Variants in SLAMF7 observed in about 807,000 individuals in gnomAD.
SLAMF7 encodes the protein SLAM family member 7, also known as 19A24 protein.
Under a neutral mutation model 34.1 loss-of-function variants are expected in SLAMF7, and 26 were observed. That is an observed-to-expected ratio of 0.76 (90% CI 0.56 to 1.06). The LOEUF (loss-of-function observed/expected upper bound fraction) is 1.06. Among genes scored for constraint, SLAMF7 ranks in the 50% least tolerant of loss-of-function variants. The pLI is 0.00. For synonymous variants in SLAMF7, 171 were observed against 156.4 expected (o/e 1.09, Z -0.70); for missense variants, 399 against 402.5 (o/e 0.99, Z 0.07).
chr1:160,751,981 A>G, intron 5 of SLAMF7: 2 of 431,706 alleles, frequency 4.6e-6, no homozygotes, highest in Non-Finnish European at 8.4e-6. Flanking sequence ...GCTTCCTGAA[A>G]AAAGTTATCA....
chr1:160,753,387 A>ATCT lies in SLAMF7; in HGVS notation c.*210_*211insTCT, dbSNP rs1664789853. The ATCT allele has an allele frequency of 3.6e-6, 2 of 558,426 alleles. No homozygotes were observed. Among genetic ancestry groups the ATCT allele is most frequent in the South Asian group, 2.5e-5 (1 of 40,010 alleles). The allele number at this position is 558,426 out of a possible 1,614,324, so 34.6% of individuals were successfully genotyped here. ...GCTGAGAAATCTCCTCAAACCCAGA[A>ATCT]GGTTTAATCACTTCATCCCAAAAAT... is the stretch of plus-strand genomic sequence containing the variant. On this transcript the variant is annotated 3_prime_UTR_variant, in exon 7 of 7. Transcript: ENST00000368043.
At chr1:160,741,032 G>A (rs889969931) in intron 1 of SLAMF7, among the ~76,000 whole-genome samples, 4 of 152,188 alleles carry the variant, frequency 2.6e-5, no homozygotes, top group African/African-American at 7.2e-5. Flanking sequence ...GGGAGTACCA[G>A]TTGGGGTTTC....
In SLAMF7 at chr1:160,751,381, G is replaced by T. The variant is rs1016944514; in HGVS notation, c.806G>T (p.Arg269Leu). ...GAGAAGAAGAGAGTGGACATTTGTC[G>T]GGAAACTCCTAACATATGCCCCCAT... is the stretch of plus-strand genomic sequence containing the variant. ...IEEKKRVDIC[R>L]ETPNICPHSG... is the part of the protein sequence containing the mutation. The change falls in exon 5 of 7, where the codon CGG becomes CTG. Residue 269 changes from arginine (R) to leucine (L), a missense_variant. Arg to Leu is a moderately radical substitution (Grantham distance 102). Coordinates refer to ENST00000368043, the MANE Select transcript of SLAMF7 (RefSeq NM_021181.5). The T allele has an allele frequency of 3.1e-6, 5 of 1,613,754 alleles. No homozygotes were observed. Among genetic ancestry groups the T allele is most frequent in the Non-Finnish European group, 3.4e-6 (4 of 1,179,892 alleles).
intron 4 of SLAMF7, 125 bp downstream of exon 4, chr1:160,750,548 G>GCCAC (rs1486369882): frequency 8.7e-7 from 1 of 1,150,658 alleles, no homozygotes; most frequent in Non-Finnish European, 1.2e-6. Flanking sequence ...AGATGAAGAA[G>GCCAC]CCACAGTCTC....
Position 160,750,060 on chromosome 1 carries a change from T to G in SLAMF7, c.616T>G (p.Ser206Ala). The G allele has an allele frequency of 6.2e-7, 1 of 1,614,084 alleles. No individual in the cohort carries two copies. The highest frequency in any genetic ancestry group is 8.5e-7 in the Non-Finnish European group (1 of 1,179,984). Residue 206 changes from serine (S) to alanine (A), a missense_variant, in exon 3 of 7, where the codon TCA (serine) becomes GCA (alanine). By Grantham distance (99) the Ser-to-Ala change is moderately conservative. Coordinates refer to ENST00000368043, the MANE Select transcript of SLAMF7 (RefSeq NM_021181.5). ...VARNPVSRNF[S>A]SPILARKLCE... Reference sequence around the variant, plus strand: ...CAGGAACCCTGTCAGCAGAAACTTCTCAAGCCCCATCCTTGCCAGGAAGCT... The same window carrying G: ...CAGGAACCCTGTCAGCAGAAACTTCGCAAGCCCCATCCTTGCCAGGAAGCT...
intron 4 of SLAMF7, chr1:160,750,932 G>C (rs575006890): frequency 4.2e-6 from 1 of 240,830 alleles, no homozygotes; most frequent in South Asian, 5.9e-5. Flanking sequence ...TCTCTCTCCA[G>C]TTGCACCCCA....
chr1:160,748,298 A>G lies in SLAMF7; in HGVS notation c.160A>G (p.Thr54Ala). 6.2e-7 allele frequency: 1 copy of G among 1,614,042 alleles called. No individual in the cohort carries two copies. The highest frequency in any genetic ancestry group is 8.5e-7 in the Non-Finnish European group (1 of 1,179,970). ...AAAGCAAGTTGACTCTATTGTCTGG[A>G]CCTTCAACACAACCCCTCTTGTCAC... ...KVKQVDSIVWTFNTTPLVTIQ... is the reference protein window; with the variant it reads ...KVKQVDSIVWAFNTTPLVTIQ... Residue 54 changes from threonine (T) to alanine (A), a missense_variant, in exon 2 of 7, where the codon ACC (threonine) becomes GCC (alanine). Thr to Ala is a moderately conservative substitution (Grantham distance 58). Coordinates refer to ENST00000368043, the MANE Select transcript of SLAMF7 (RefSeq NM_021181.5).
chr1:160,746,785 A>T (rs148226835), intron 1 of SLAMF7, among the ~76,000 whole-genome samples: 2,217 of 152,168 alleles, frequency 0.015, 62 homozygotes, highest in African/African-American at 0.05. Flanking sequence ...GGAGTCTTAC[A>T]TGATTATTCA....
chr1:160,739,421 T>C (rs1663554515), intron 1 of SLAMF7, 65 bp downstream of exon 1: 2 of 1,438,030 alleles, frequency 1.4e-6, no homozygotes, highest in Admixed American at 2.0e-5. Flanking sequence ...CCAGGTTTCT[T>C]GTTCCACTCT....
Position 160,751,450 on chromosome 1 carries a change from T to C in SLAMF7, c.873+2T>C. ...TACGACACAATCCCTCACACTAATG[T>C]GAGTCCCTTCTCATCTTTCCTGAGA... On this transcript the variant is annotated splice_donor_variant, in intron 5 of 6. Coordinates refer to ENST00000368043, the MANE Select transcript of SLAMF7 (RefSeq NM_021181.5). LOFTEE classifies it high-confidence loss of function. 3 of 1,608,052 alleles carry C rather than the reference T, an allele frequency of 1.9e-6. No individual in the cohort carries two copies. The highest frequency in any genetic ancestry group is 2.6e-6 in the Non-Finnish European group (3 of 1,174,484).
intron 1 of SLAMF7, among the ~76,000 whole-genome samples, chr1:160,745,397 G>A (rs1664046109): frequency 6.6e-6 from 1 of 152,136 alleles, no homozygotes; most frequent in Admixed American, 6.5e-5. Flanking sequence ...AACGCCAGGG[G>A]GCCTTCAAAT....
At chr1:160,740,495 C>A (rs2101650037) in intron 1 of SLAMF7, among the ~76,000 whole-genome samples, 1 of 152,252 alleles carries the variant, frequency 6.6e-6, no homozygotes, top group African/African-American at 2.4e-5. Context: ...GTGTAGTGTA[C>A]CTCCTGAGGC....
chr1:160,746,508 T>C (rs1664142507), intron 1 of SLAMF7, among the ~76,000 whole-genome samples: 1 of 152,248 alleles, frequency 6.6e-6, no homozygotes, highest in African/African-American at 2.4e-5. Flanking sequence ...GAAGGGGAAA[T>C]AACTTTGGGT....
rs762669215 is a variant in SLAMF7, at chr1:160,750,433, G to A, written c.769+10G>A. The A allele has an allele frequency of 6.2e-7, 1 of 1,612,140 alleles. No individual in the cohort carries two copies. ...AGAGAGAGACAAGAAGGTAGAGCGT[G>A]TACTATTTTTGTCCTCACCCACATT... On this transcript the variant is annotated intron_variant, in intron 4 of 6. Transcript: ENST00000368043.
At chr1:160,745,395 G>A (rs568325962) in intron 1 of SLAMF7, among the ~76,000 whole-genome samples, 3 of 152,278 alleles carry the variant, frequency 2.0e-5, no homozygotes, top group African/African-American at 7.2e-5. Context: ...CAAACGCCAG[G>A]GGGCCTTCAA....
intron 4 of SLAMF7, 94 bp downstream of exon 4, chr1:160,750,517 C>A: frequency 1.4e-6 from 2 of 1,461,486 alleles, no homozygotes; most frequent in African/African-American, 1.4e-5. Flanking sequence ...CCAGACTTGG[C>A]ATGAGGTGTT....
In SLAMF7 at chr1:160,754,601, A is replaced by G. The variant is rs1664878753; in HGVS notation, c.*1424A>G. On this transcript the variant is annotated 3_prime_UTR_variant, in exon 7 of 7. Coordinates refer to ENST00000368043, the MANE Select transcript of SLAMF7 (RefSeq NM_021181.5). The stretch of plus-strand genomic sequence containing the variant: ...CTGCTTTTGATATGTTCCCTGACAC[A>G]TATCTTGAATGGAGACCTCCCTACC... The G allele has an allele frequency of 6.6e-6, 1 of 152,360 alleles. No individual in the cohort carries two copies. The highest frequency in any genetic ancestry group is 1.5e-5 in the Non-Finnish European group (1 of 68,040). 9.4% of individuals were successfully genotyped at this position (152,360 alleles called of 1,614,324 possible).
intron 1 of SLAMF7, among the ~76,000 whole-genome samples, chr1:160,747,226 A>G (rs1213810882): frequency 2.0e-5 from 3 of 152,132 alleles, no homozygotes; most frequent in Non-Finnish European, 4.4e-5. Flanking sequence ...TAGTTTTCTC[A>G]TCTATAAAAT....
chr1:160,740,436 T>TG (rs1362862609), intron 1 of SLAMF7, among the ~76,000 whole-genome samples: 1 of 152,068 alleles, frequency 6.6e-6, no homozygotes, highest in African/African-American at 2.4e-5. Flanking sequence ...AGCACAAGTA[T>TG]GAAAAACTGC....
Sources: allele counts gnomAD v4.1 joint callset (sites outside exome capture counted in the v4.1 genomes callset), GRCh38; gene constraint gnomAD v4.1.1; transcripts MANE v1.5; gene names NCBI Gene and HGNC (gene_info 2026-07-23, HGNC 2026-07-21).